Variants in DPYSL3 observed in about 807,000 individuals in gnomAD.
DPYSL3 encodes dihydropyrimidinase like 3.
In DPYSL3, 16 loss-of-function variants were observed where a neutral mutation model predicts 66.1. The observed-to-expected ratio is 0.24, with a 90% CI of 0.16 to 0.37. The LOEUF (loss-of-function observed/expected upper bound fraction) is 0.37. DPYSL3 is among the 10% of genes least tolerant of loss of function. DPYSL3 has a pLI of 1.00. For synonymous variants in DPYSL3, 338 were observed against 345.1 expected, an observed-to-expected ratio of 0.98 and a Z score of 0.23; for missense variants, 738 against 916.2, an observed-to-expected ratio of 0.81 and a Z score of 2.51.
intron 1 of DPYSL3, among the ~76,000 whole-genome samples, chr5:147,488,070 C>T (rs1401336294): frequency 6.6e-6 from 1 of 152,190 alleles, no homozygotes; most frequent in Non-Finnish European, 1.5e-5. Context: ...ACACAACTTT[C>T]CATTTCATTG....
At chr5:147,444,117 AGAGGGATAAGTTATTATCCCTCCG>A (rs1215491248) in intron 1 of DPYSL3, among the ~76,000 whole-genome samples, 5 of 152,232 alleles carry the variant, frequency 3.3e-5, no homozygotes, top group East Asian at 1.9e-4. Flanking sequence ...CAGAGGTGGG[AGAGGGATAAGTTATTATCCCTCCG>A]GAGGGATAAT....
intron 12 of DPYSL3, 103 bp downstream of exon 12, chr5:147,397,563 T>G: frequency 2.6e-5 from 32 of 1,226,660 alleles, no homozygotes; most frequent in South Asian, 3.3e-5. Context: ...AATTTCTCTG[T>G]GAGAGTCTAG....
intron 12 of DPYSL3, 130 bp from the exon 13 acceptor site, chr5:147,395,851 G>C: frequency 9.0e-7 from 1 of 1,115,978 alleles, no homozygotes; most frequent in Non-Finnish European, 1.3e-6. Context: ...AAGATAATTT[G>C]AGGAAGGGAG....
intron 1 of DPYSL3, among the ~76,000 whole-genome samples, chr5:147,484,018 C>T (rs1753290070): frequency 6.6e-6 from 1 of 152,198 alleles, no homozygotes; most frequent in African/African-American, 2.4e-5. Context: ...TTAGGTCTGT[C>T]TCTCTGTCTG....
In DPYSL3 at chr5:147,502,599, C is replaced by G. The variant is rs558655205; in HGVS notation, c.381+6879G>C. Among the ~76,000 whole-genome samples, 4 of 106,114 alleles carry G rather than the reference C, an allele frequency of 3.8e-5. No individual in the cohort carries two copies. In the South Asian group the frequency reaches 1.3e-3, roughly 34 times the overall value. 69.6% of individuals were successfully genotyped at this position (106,114 alleles called of 152,430 possible). A position where few individuals can be genotyped will look rare whatever the true frequency, so the allele number is the denominator to read the frequency against. Reference sequence around the variant, plus strand: ...TTTTTTTTTTTTTTTTTTTTTGAGACGGAGTCTCGCTCTGTCGCCCAGGCT... The same window carrying G: ...TTTTTTTTTTTTTTTTTTTTTGAGAGGGAGTCTCGCTCTGTCGCCCAGGCT... On this transcript the variant is annotated intron_variant, in intron 1 of 13. Transcript: ENST00000343218.
At chr5:147,429,569 T>C (rs1752269562) in intron 1 of DPYSL3, among the ~76,000 whole-genome samples, 1 of 152,214 alleles carries the variant, frequency 6.6e-6, no homozygotes, top group African/African-American at 2.4e-5. Flanking sequence ...ATACTTTGAA[T>C]GTTTTTAAGC....
intron 1 of DPYSL3, among the ~76,000 whole-genome samples, chr5:147,449,605 C>A (rs1752689589): frequency 6.6e-6 from 1 of 152,220 alleles, no homozygotes; most frequent in East Asian, 1.9e-4. Context: ...AGCTTTGAAG[C>A]TGGACAAGGC....
chr5:147,467,719 G>T (rs890633259), intron 1 of DPYSL3, among the ~76,000 whole-genome samples: 1 of 152,216 alleles, frequency 6.6e-6, no homozygotes, highest in Non-Finnish European at 1.5e-5. Context: ...CACTTCATTA[G>T]ATTATACCTT....
Position 147,393,782 on chromosome 5 carries a change from C to T in DPYSL3, c.*253G>A. 2.0e-6 allele frequency: 1 copy of T among 502,920 alleles called. No individual in the cohort carries two copies. Among genetic ancestry groups the T allele is most frequent in the Non-Finnish European group, 3.6e-6 (1 of 277,444 alleles). The allele number at this position is 502,920 out of a possible 1,614,324, so 31.2% of individuals were successfully genotyped here. ...AGAGCAGACTCTTTTACCTTAGTGG[C>T]CTGTCTGATTGCATGCATGTAAATG... On this transcript the variant is annotated 3_prime_UTR_variant, in exon 14 of 14. Coordinates refer to ENST00000343218, the MANE Select transcript of DPYSL3 (RefSeq NM_001197294.2).
intron 6 of DPYSL3, 21 bp from the exon 7 acceptor site, chr5:147,408,817 A>G: frequency 6.2e-7 from 1 of 1,613,908 alleles, no homozygotes; most frequent in Non-Finnish European, 8.5e-7. Context: ...AAAAGAAAAT[A>G]GTTCTTCAAT....
At chr5:147,431,553 C>T (rs1313891409) in intron 1 of DPYSL3, among the ~76,000 whole-genome samples, 1 of 151,890 alleles carries the variant, frequency 6.6e-6, no homozygotes, top group Non-Finnish European at 1.5e-5. Flanking sequence ...CTACCATCAT[C>T]ATTATTATTT....
chr5:147,462,770 T>C (rs1169996517), intron 1 of DPYSL3, among the ~76,000 whole-genome samples: 1 of 152,110 alleles, frequency 6.6e-6, no homozygotes, highest in Admixed American at 6.5e-5. Context: ...GCCCTATGAT[T>C]CAATGACTCC....
rs773930325 is a variant in DPYSL3, at chr5:147,399,192, T to C, written c.1513A>G (p.Ile505Val). 7.4e-6 allele frequency: 12 copies of C among 1,614,212 alleles called. No individual in the cohort carries two copies. The South Asian group carries it at 1.1e-4, about 15-fold the overall frequency. The change falls in exon 11 of 14, where the codon ATC becomes GTC. Residue 505 changes from isoleucine (I) to valine (V), a missense_variant. By Grantham distance (29) the Ile-to-Val change is conservative. Transcript: ENST00000343218. The stretch of plus-strand genomic sequence containing the variant: ...CCCTTGCGGGGATACAGGTTGAAGA[T>C]CTTGGCAGCGTTTGTGCTTGTCACA... ...VAVTSTNAAK[I>V]FNLYPRKGRI...
At position 147,509,267 on chromosome 5, in the gene DPYSL3, G is replaced by T. The variant is rs1753723915; in HGVS notation, c.381+211C>A. On this transcript the variant is annotated intron_variant, in intron 1 of 13. Transcript: ENST00000343218. This position sits in a 1 kb window ranked among gnomAD's most constrained non-coding sequence, Gnocchi z 5.3. ...AGGGGAACCCGGGCATCCCTTCCGC[G>T]CTTGCACGAAGATGCTGCAAGTGGC... 1.3e-5 allele frequency among the ~76,000 whole-genome samples: 2 copies of T among 152,204 alleles called. No homozygotes were observed. The highest frequency in any genetic ancestry group is 6.5e-5 in the Admixed American group (1 of 15,286).
rs548789308 is a variant in DPYSL3 at position 147,444,871 on chromosome 5, G to A, written c.382-19908C>T. On this transcript the variant is annotated intron_variant, in intron 1 of 13. Transcript: ENST00000343218. ...CATGTAAATGTCCAGCCCTAATAGG[G>A]AAACAAAAAGAACTATGAGCTGCTT... Among the ~76,000 whole-genome samples the A allele has an allele frequency of 4.6e-5, 7 of 151,788 alleles. No homozygotes were observed. The East Asian group carries it at 1.2e-3, about 25-fold the overall frequency.
chr5:147,474,540 T>G (rs1753130419), intron 1 of DPYSL3, among the ~76,000 whole-genome samples: 1 of 152,072 alleles, frequency 6.6e-6, no homozygotes, highest in African/African-American at 2.4e-5. Context: ...GCTCAAGCAG[T>G]CTTGTGCCAG....
intron 7 of DPYSL3, among the ~76,000 whole-genome samples, chr5:147,406,447 CG>C (rs1758326289): frequency 6.6e-6 from 1 of 152,096 alleles, no homozygotes; most frequent in East Asian, 1.9e-4. Context: ...TAGGTGACCT[CG>C]GGTACATTGC....
chr5:147,420,555 G>T (rs573951795), intron 2 of DPYSL3, among the ~76,000 whole-genome samples: 47 of 152,272 alleles, frequency 3.1e-4, no homozygotes, highest in Non-Finnish European at 5.6e-4. Context: ...GACATAGCAT[G>T]AGTCCAATAT....
intron 1 of DPYSL3, among the ~76,000 whole-genome samples, chr5:147,453,188 A>C (rs1434024263): frequency 6.6e-6 from 1 of 152,132 alleles, no homozygotes; most frequent in African/African-American, 2.4e-5. Context: ...TTAGACAAAA[A>C]GCACACCTCA....
Sources: allele counts gnomAD v4.1 joint callset (sites outside exome capture counted in the v4.1 genomes callset), GRCh38; gene constraint gnomAD v4.1.1; non-coding constraint Gnocchi (gnomAD v3.1); transcripts MANE v1.5; gene names NCBI Gene and HGNC (gene_info 2026-07-23, HGNC 2026-07-21).